The following SNX13 variants were observed in gnomAD, a reference collection of about 807,000 sequenced individuals.
The protein encoded by SNX13 is sorting nexin-13.
SNX13 carries 45 observed loss-of-function variants against 133.6 expected under a neutral mutation model. That is an observed-to-expected ratio of 0.34 (90% CI 0.27 to 0.43). The LOEUF is 0.43. Ranked by LOEUF, SNX13 falls within the 20% of genes least tolerant of loss-of-function variation. The pLI is 1.00. For synonymous variants in SNX13, 414 were observed against 373.9 expected (o/e 1.11, Z -1.24); for missense variants, 1,032 against 1,145.1 (o/e 0.90, Z 1.43).
intron 1 of SNX13, among the ~76,000 whole-genome samples, chr7:17,934,264 T>C (rs949247653): frequency 3.3e-5 from 5 of 152,146 alleles, no homozygotes; most frequent in African/African-American, 9.7e-5. Flanking sequence ...TTACAATCAA[T>C]TGAGGAGGCA....
intron 8 of SNX13, among the ~76,000 whole-genome samples, chr7:17,870,996 G>A (rs1199481648): frequency 2.6e-5 from 4 of 151,456 alleles, no homozygotes; most frequent in Admixed American, 6.6e-5. Context: ...GAGGAATCGG[G>A]TTTTCTTTTT....
chr7:17,930,588 A>G (rs1801285658), intron 1 of SNX13, among the ~76,000 whole-genome samples: 1 of 152,248 alleles, frequency 6.6e-6, no homozygotes, highest in South Asian at 2.1e-4. Flanking sequence ...AATGCATCAT[A>G]AAATACTCTC....
At position 17,792,589 on chromosome 7, in the gene SNX13, T is replaced by C. The variant is rs1206944624; in HGVS notation, c.*1456A>G. The C allele has an allele frequency of 1.3e-5, 2 of 152,432 alleles. No individual in the cohort carries two copies. Among genetic ancestry groups the C allele is most frequent in the African/African-American group, 4.8e-5 (2 of 41,430 alleles). The allele number at this position is 152,432 out of a possible 1,614,324, so 9.4% of individuals were successfully genotyped here. ...AAATAACTGGGATACCAATACTCTG[T>C]CCCTTTATCTTAAGCACCCAGACTT... On this transcript the variant is annotated 3_prime_UTR_variant, in exon 26 of 26. Coordinates refer to ENST00000428135, the MANE Select transcript of SNX13 (RefSeq NM_015132.5).
At chr7:17,888,862 TA>T (rs1796304956) in intron 5 of SNX13, 2 of 373,144 alleles carry the variant, frequency 5.4e-6, no homozygotes, top group Non-Finnish European at 1.1e-5. Context: ...GTTCAGAGTT[TA>T]AAGACACTTG....
At chr7:17,833,197 T>G (rs544538671) in intron 15 of SNX13, among the ~76,000 whole-genome samples, 1 of 151,754 alleles carries the variant, frequency 6.6e-6, no homozygotes, top group South Asian at 2.1e-4. Flanking sequence ...GAATCACAAG[T>G]TAATGATCAT....
intron 5 of SNX13, among the ~76,000 whole-genome samples, chr7:17,876,261 TTC>T (rs1479702590): frequency 2.0e-5 from 3 of 152,200 alleles, no homozygotes; most frequent in Non-Finnish European, 2.9e-5. Context: ...GTTCTGAACG[TTC>T]TGTTTGAATA....
intron 12 of SNX13, among the ~76,000 whole-genome samples, chr7:17,841,838 T>C (rs1789944249): frequency 1.3e-5 from 2 of 151,604 alleles, no homozygotes; most frequent in Admixed American, 1.3e-4. Context: ...CAAAATAAAA[T>C]GGAGGTGAAA....
intron 1 of SNX13, among the ~76,000 whole-genome samples, chr7:17,919,711 A>T (rs1799920756): frequency 6.6e-6 from 1 of 152,238 alleles, no homozygotes; most frequent in South Asian, 2.1e-4. Context: ...GCAACTCAGG[A>T]GGAGGAAAGC....
chr7:17,835,993 G>T (rs1789089091), intron 13 of SNX13, among the ~76,000 whole-genome samples: 1 of 151,932 alleles, frequency 6.6e-6, no homozygotes, highest in Non-Finnish European at 1.5e-5. Context: ...ACTTGGTTTT[G>T]CCCTTTCATT....
At chr7:17,914,149 C>T (rs1475794260) in intron 1 of SNX13, among the ~76,000 whole-genome samples, 6 of 149,960 alleles carry the variant, frequency 4.0e-5, no homozygotes, top group African/African-American at 1.2e-4. Flanking sequence ...GTTCAAAGGC[C>T]GATCCTGCAA....
At chr7:17,808,041 G>A (rs140465120) in intron 20 of SNX13, among the ~76,000 whole-genome samples, 1 of 152,246 alleles carries the variant, frequency 6.6e-6, no homozygotes, top group Admixed American at 6.5e-5. Context: ...AAACCAGAAC[G>A]CATCTTCTCC....
At chr7:17,939,734 G>C (rs1442068022) in intron 1 of SNX13, among the ~76,000 whole-genome samples, 2 of 152,208 alleles carry the variant, frequency 1.3e-5, no homozygotes, top group Admixed American at 1.3e-4. Context: ...GTGGGGGAGG[G>C]GGATGACCCA....
chr7:17,938,324 TCTA>T (rs1802345387), intron 1 of SNX13, among the ~76,000 whole-genome samples: 2 of 152,204 alleles, frequency 1.3e-5, no homozygotes, highest in Non-Finnish European at 2.9e-5. Flanking sequence ...GTCAGAGCTC[TCTA>T]CTGAGAGTTA....
chr7:17,829,003 T>C (rs975424545), intron 16 of SNX13, among the ~76,000 whole-genome samples: 6 of 151,546 alleles, frequency 4.0e-5, no homozygotes, highest in African/African-American at 1.4e-4. Flanking sequence ...TAAATGGTAA[T>C]GACACCAAAT....
At chr7:17,823,992 A>T (rs1787593476) in intron 17 of SNX13, among the ~76,000 whole-genome samples, 1 of 152,136 alleles carries the variant, frequency 6.6e-6, no homozygotes, top group African/African-American at 2.4e-5. Context: ...CAATAGGAAG[A>T]ATAATGAGGT....
In SNX13 at chr7:17,834,223, G is replaced by C. The variant is rs769878017; in HGVS notation, c.1465-39C>G. ...ATCAAGATATTCAACAATTAATACA[G>C]GTGTGTGGTGATTTTTACAAAACAC... is the stretch of plus-strand genomic sequence containing the variant. On this transcript the variant is annotated intron_variant, in intron 14 of 25. Transcript: ENST00000428135. The C allele has an allele frequency of 2.7e-6, 4 of 1,477,520 alleles. No individual in the cohort carries two copies. In the Admixed American group the frequency reaches 6.4e-5, roughly 24 times the overall value. 91.5% of individuals were successfully genotyped at this position (1,477,520 alleles called of 1,614,324 possible).
rs745796704 is a variant in SNX13 at position 17,850,972 on chromosome 7, C to T, written c.838-8G>A. Reference sequence around the variant, plus strand: ...GCAGTTAGAATCACGGATCTGAAAACAAGTTTAAGAAAAACAGGTGGGAGA... The same window carrying T: ...GCAGTTAGAATCACGGATCTGAAAATAAGTTTAAGAAAAACAGGTGGGAGA... On this transcript the variant is annotated splice_polypyrimidine_tract_variant and splice_region_variant and intron_variant, in intron 9 of 25. Transcript: ENST00000428135. 1 of 1,595,112 alleles carries T rather than the reference C, an allele frequency of 6.3e-7. No individual in the cohort carries two copies. Among genetic ancestry groups the T allele is most frequent in the Non-Finnish European group, 8.5e-7 (1 of 1,172,290 alleles).
At chr7:17,846,515 C>G (rs1484125457) in intron 11 of SNX13, among the ~76,000 whole-genome samples, 2 of 152,140 alleles carry the variant, frequency 1.3e-5, no homozygotes, top group Non-Finnish European at 2.9e-5. Context: ...TTTATTTTCA[C>G]TGGCTTCTCT....
In SNX13 at chr7:17,890,287, C is replaced by T. The variant is rs184763817; in HGVS notation, c.440+76G>A. On this transcript the variant is annotated intron_variant, in intron 5 of 25. Coordinates refer to ENST00000428135, the MANE Select transcript of SNX13 (RefSeq NM_015132.5). ...TACCTTTTAATAAACAATTCCTCCC[C>T]TTAAAAGTTGTTTTCCTTACTGGTA... is the stretch of plus-strand genomic sequence containing the variant. 2.7e-5 allele frequency: 38 copies of T among 1,392,694 alleles called. No homozygotes were observed. The East Asian group carries it at 9.4e-4, about 34-fold the overall frequency. The allele number at this position is 1,392,694 out of a possible 1,614,324, so 86.3% of individuals were successfully genotyped here.
Sources: allele counts gnomAD v4.1 joint callset (sites outside exome capture counted in the v4.1 genomes callset), GRCh38; gene constraint gnomAD v4.1.1; transcripts MANE v1.5; gene names NCBI Gene and HGNC (gene_info 2026-07-23, HGNC 2026-07-21).